The following APBB2 variants were observed in gnomAD, a reference collection of about 807,000 sequenced individuals.
The protein encoded by APBB2 is Fe65-like 1.
A neutral mutation model predicts 82.5 loss-of-function variants in APBB2; 38 were observed. The observed-to-expected ratio is 0.46, with a 90% CI of 0.36 to 0.60. The LOEUF is 0.60. APBB2 is among the 20% of genes least tolerant of loss of function. APBB2 has a pLI of 0.00. For synonymous variants in APBB2, 341 were observed against 368.2 expected (o/e 0.93, Z 0.85); for missense variants, 772 against 972.3 (o/e 0.79, Z 2.74).
intron 3 of APBB2, among the ~76,000 whole-genome samples, chr4:41,083,755 T>C (rs923264729): frequency 6.7e-6 from 1 of 150,272 alleles, no homozygotes; most frequent in Non-Finnish European, 1.5e-5. Context: ...AAGGTAGAAG[T>C]TTCACAGTAA....
rs1777041572 is a variant in APBB2, at chr4:40,907,336, TTTA to T, written c.1255-13928_1255-13926del. Among the ~76,000 whole-genome samples the T allele has an allele frequency of 1.4e-5, 2 of 142,444 alleles. 1 individual carries two copies. Among genetic ancestry groups the T allele is most frequent in the African/African-American group, 5.1e-5 (2 of 38,908 alleles). 93.4% of individuals were successfully genotyped at this position (142,444 alleles called of 152,430 possible). ...GACTGATATGCTTTATTTAATTTAA[TTTA>T]ATATATTACATATATATATATATAT... On this transcript the variant is annotated intron_variant, in intron 10 of 17. Coordinates refer to ENST00000508593, the MANE Select transcript of APBB2 (RefSeq NM_004307.2).
chr4:40,845,765 T>C (rs151149370), intron 12 of APBB2, among the ~76,000 whole-genome samples: 22 of 152,174 alleles, frequency 1.4e-4, no homozygotes, highest in African/African-American at 5.3e-4. Flanking sequence ...GCCAGTAGAC[T>C]TCTCACTCCA....
At chr4:41,182,276 A>G (rs1398630567) in intron 1 of APBB2, among the ~76,000 whole-genome samples, 1 of 152,180 alleles carries the variant, frequency 6.6e-6, no homozygotes, top group Non-Finnish European at 1.5e-5. Flanking sequence ...AAGATCACCA[A>G]TGACCTCCAT....
intron 10 of APBB2, among the ~76,000 whole-genome samples, chr4:40,905,898 G>C (rs1027451973): frequency 3.9e-5 from 6 of 152,158 alleles, no homozygotes; most frequent in African/African-American, 1.4e-4. Flanking sequence ...ACACCTTCCT[G>C]ACCCCTTGTG....
chr4:41,002,254 A>G (rs1010123611), intron 6 of APBB2, among the ~76,000 whole-genome samples: 4 of 152,226 alleles, frequency 2.6e-5, no homozygotes, highest in Non-Finnish European at 5.9e-5. Context: ...TTGAAAAGCT[A>G]ATGTTTTCCC....
intron 3 of APBB2, among the ~76,000 whole-genome samples, chr4:41,071,548 G>C (rs1024910291): frequency 6.6e-6 from 1 of 152,068 alleles, no homozygotes. Context: ...AGGCGTGGTG[G>C]CGGGCACCTG....
chr4:40,931,266 G>A (rs1193813637), intron 10 of APBB2, among the ~76,000 whole-genome samples: 1 of 152,092 alleles, frequency 6.6e-6, no homozygotes, highest in African/African-American at 2.4e-5. Flanking sequence ...CTCCGATAGG[G>A]GATGGAAGCT....
intron 6 of APBB2, among the ~76,000 whole-genome samples, chr4:40,950,804 T>C (rs1000664347): frequency 6.6e-6 from 1 of 151,520 alleles, no homozygotes; most frequent in Non-Finnish European, 1.5e-5. Flanking sequence ...GACTGTGCCA[T>C]TGCACTCCAA....
At chr4:40,842,802 C>CT (rs1241629032) in intron 12 of APBB2, among the ~76,000 whole-genome samples, 1 of 152,134 alleles carries the variant, frequency 6.6e-6, no homozygotes, top group Non-Finnish European at 1.5e-5. Flanking sequence ...TCCTGACACT[C>CT]TATTAACAGA....
rs1252240550 is a variant in APBB2 at position 40,832,911 on chromosome 4, A to G, written c.1530-2334T>C. 2.0e-5 allele frequency among the ~76,000 whole-genome samples: 3 copies of G among 152,050 alleles called. No homozygotes were observed. Among genetic ancestry groups the G allele is most frequent in the African/African-American group, 7.2e-5 (3 of 41,412 alleles). ...ACACATCCCTCCTTCCTGTTGGGAA[A>G]GTCGGTCCTTGCTCAGTACTGAATG... On this transcript the variant is annotated intron_variant, in intron 12 of 17. Coordinates refer to ENST00000508593, the MANE Select transcript of APBB2 (RefSeq NM_004307.2). This position sits in a 1 kb window ranked among gnomAD's most constrained non-coding sequence, Gnocchi z 4.8.
intron 6 of APBB2, among the ~76,000 whole-genome samples, chr4:40,984,882 A>C (rs1560456653): frequency 2.6e-5 from 4 of 152,140 alleles, no homozygotes. Flanking sequence ...TGAACACCGT[A>C]TTTAGCATTT....
intron 12 of APBB2, among the ~76,000 whole-genome samples, chr4:40,887,883 C>T (rs763213765): frequency 8.5e-5 from 13 of 152,192 alleles, no homozygotes; most frequent in Non-Finnish European, 1.3e-4. Context: ...ATACAGCCCA[C>T]GTTTCAAAAA....
At chr4:41,028,722 A>AT (rs145879348) in intron 5 of APBB2, among the ~76,000 whole-genome samples, 6,969 of 152,260 alleles carry the variant, frequency 0.046, 343 homozygotes, top group African/African-American at 0.12. Flanking sequence ...TACACAAAGT[A>AT]TTTTTTATGA....
intron 1 of APBB2, among the ~76,000 whole-genome samples, chr4:41,190,305 G>A (rs1290865352): frequency 2.9e-5 from 4 of 136,654 alleles, no homozygotes; most frequent in African/African-American, 1.1e-4. Context: ...AGGCTGGAGC[G>A]CAGTGCCGCG....
Position 40,944,933 on chromosome 4 carries a change from C to T in APBB2, c.976G>A (p.Ala326Thr), listed in dbSNP as rs1416781508. 1 of 1,613,788 alleles carries T rather than the reference C, an allele frequency of 6.2e-7. No homozygotes were observed. Among genetic ancestry groups the T allele is most frequent in the East Asian group, 2.2e-5 (1 of 44,872 alleles). Residue 326 changes from alanine (A) to threonine (T), a missense_variant, in exon 7 of 18, where the codon GCA (alanine) becomes ACA (threonine). Ala to Thr is a moderately conservative substitution (Grantham distance 58). Coordinates refer to ENST00000508593, the MANE Select transcript of APBB2 (RefSeq NM_004307.2). ...CCTTTCCTAGAACCCTGGAGATCTGCTGGGATGGAGACGGGCCGTTCCCAC... is the reference window on the plus strand; with the variant it reads ...CCTTTCCTAGAACCCTGGAGATCTGTTGGGATGGAGACGGGCCGTTCCCAC... ...TQWERPVSIPADLQGSRKGSL... is the reference protein window; with the variant it reads ...TQWERPVSIPTDLQGSRKGSL...
chr4:40,926,841 C>T (rs1782734676), intron 10 of APBB2, among the ~76,000 whole-genome samples: 2 of 152,234 alleles, frequency 1.3e-5, no homozygotes, highest in South Asian at 4.1e-4. Flanking sequence ...GATAAATTGA[C>T]GTCTTCTAAG....
intron 6 of APBB2, among the ~76,000 whole-genome samples, chr4:40,953,159 G>A (rs111981875): frequency 0.071 from 10,703 of 151,774 alleles, 426 homozygotes; most frequent in Middle Eastern, 0.12. Context: ...TTAGCCAGGC[G>A]TGGTGGTGGG....
At chr4:40,916,699 G>C (rs901835408) in intron 10 of APBB2, among the ~76,000 whole-genome samples, 1 of 152,194 alleles carries the variant, frequency 6.6e-6, no homozygotes, top group Non-Finnish European at 1.5e-5. Flanking sequence ...CCAGAAACTA[G>C]AAACTATTCT....
intron 1 of APBB2, chr4:41,207,987 CATT>C (rs1393164154): frequency 1.1e-4 from 17 of 152,232 alleles, no homozygotes; most frequent in African/African-American, 3.9e-4. Flanking sequence ...TCATTATCAT[CATT>C]GTGATAAGAA....
Sources: gnomAD v4.1 joint callset for allele counts (sites outside exome capture counted in the v4.1 genomes callset) on GRCh38, gnomAD v4.1.1 for gene constraint, Gnocchi (gnomAD v3.1) non-coding constraint, MANE v1.5 for transcripts, NCBI Gene and HGNC (gene_info 2026-07-23, HGNC 2026-07-21) for gene names.